SLC24A5: variants seen among roughly 807,000 people sequenced by gnomAD.
The protein encoded by SLC24A5 is solute carrier family 24 member 5.
A neutral mutation model predicts 51.6 loss-of-function variants in SLC24A5; 46 were observed. The observed-to-expected ratio is 0.89, with a 90% CI of 0.70 to 1.14. SLC24A5 has a LOEUF of 1.14. Ranked by LOEUF, SLC24A5 falls within the 50% of genes most tolerant of loss-of-function variation. The pLI, the probability that SLC24A5 is intolerant of heterozygous loss-of-function variation, is 0.00. For missense variants in SLC24A5, 581 were observed against 604.1 expected (o/e 0.96, Z 0.40); for synonymous variants, 230 against 214.9 (o/e 1.07, Z -0.62).
Position 48,126,254 on chromosome 15 carries a change from C to T in SLC24A5, c.301+4218C>T, listed in dbSNP as rs139737156. On this transcript the variant is annotated intron_variant, in intron 2 of 8. Coordinates refer to ENST00000341459, the MANE Select transcript of SLC24A5 (RefSeq NM_205850.3). ...AAAGCTGGAAAAGCACCTATCTCTA[C>T]GAGGCAACCTCAGACACTTTACCAC... Among the ~76,000 whole-genome samples the T allele has an allele frequency of 3.6e-3, 547 of 152,260 alleles. 1 individual carries two copies. The highest frequency in any genetic ancestry group is 0.013 in the African/African-American group (528 of 41,544).
At position 48,137,668 on chromosome 15, in the gene SLC24A5, G is replaced by A. The variant is rs2140746571; in HGVS notation, c.871+705G>A. Reference sequence around the variant, plus strand: ...ACAGATGTGAGACTATATGAAGGAAGCATCACCAAGACTATATGGGGCCAG... The same window carrying A: ...ACAGATGTGAGACTATATGAAGGAAACATCACCAAGACTATATGGGGCCAG... On this transcript the variant is annotated intron_variant, in intron 6 of 8. Transcript: ENST00000341459. 3 of 152,072 alleles carry A rather than the reference G, an allele frequency of 2.0e-5. No homozygotes were observed. The East Asian group carries it at 5.8e-4, about 29-fold the overall frequency. 9.4% of individuals were successfully genotyped at this position (152,072 alleles called of 1,614,324 possible). A position where few individuals can be genotyped will look rare whatever the true frequency, so the allele number is the denominator to read the frequency against.
rs758484780 is a variant in SLC24A5 at position 48,142,266 on chromosome 15, TATC to T, written c.1421_1423del (p.Ser474del). ...AGAAAGTTGGGAATAGTCTGCCTATTATCATACTTGGGGCTTGCTACATTATCA... is the reference window on the plus strand; with the variant it reads ...AGAAAGTTGGGAATAGTCTGCCTATTATACTTGGGGCTTGCTACATTATCA... On this transcript the variant is annotated inframe_deletion, in exon 9 of 9. Coordinates refer to ENST00000341459, the MANE Select transcript of SLC24A5 (RefSeq NM_205850.3). 4.3e-6 allele frequency: 7 copies of T among 1,613,800 alleles called. No homozygotes were observed. The highest frequency in any genetic ancestry group is 1.3e-5 in the African/African-American group (1 of 75,036).
chr15:48,123,953 T>G (rs933665933), intron 2 of SLC24A5: 2 of 152,040 alleles, frequency 1.3e-5, no homozygotes, highest in African/African-American at 4.8e-5. Context: ...TCCTTTTGTG[T>G]TTTTTTGCCC....
At chr15:48,138,912 T>C in intron 6 of SLC24A5, 57 bp from the exon 7 acceptor site, 1 of 1,318,910 alleles carries the variant, frequency 7.6e-7, no homozygotes, top group Non-Finnish European at 1.1e-6. Context: ...AAATAGGCAT[T>C]TCTAACTTAA....
At chr15:48,132,525 A>T (rs1277418089) in intron 2 of SLC24A5, among the ~76,000 whole-genome samples, 1 of 152,186 alleles carries the variant, frequency 6.6e-6, no homozygotes, top group African/African-American at 2.4e-5. Context: ...AATACAACAA[A>T]TAAATGAACC....
chr15:48,135,117 G>C (rs1408024899), intron 5 of SLC24A5, 133 bp downstream of exon 5: 4 of 618,322 alleles, frequency 6.5e-6, no homozygotes, highest in Non-Finnish European at 1.1e-5. Flanking sequence ...ACAGGTCTGT[G>C]AGTTAACCTC....
intron 1 of SLC24A5, 58 bp downstream of exon 1, chr15:48,121,223 C>T: frequency 6.5e-7 from 1 of 1,529,816 alleles, no homozygotes; most frequent in South Asian, 1.3e-5. Context: ...GCTGCTACCA[C>T]ATACAGATGA....
At chr15:48,140,175 T>C (rs999393908) in intron 7 of SLC24A5, 1 of 151,878 alleles carries the variant, frequency 6.6e-6, no homozygotes. Context: ...CATTTGATAC[T>C]AGAAAAATAA....
At chr15:48,130,890 TG>T (rs1258536004) in intron 2 of SLC24A5, among the ~76,000 whole-genome samples, 2 of 152,154 alleles carry the variant, frequency 1.3e-5, no homozygotes, top group Admixed American at 1.3e-4. Context: ...ATTCTTATAT[TG>T]GGTTTCTGTG....
chr15:48,141,485 G>A (rs1301982415), intron 8 of SLC24A5: 4 of 237,398 alleles, frequency 1.7e-5, no homozygotes, highest in Non-Finnish European at 3.3e-5. Context: ...GCTGAGGCAG[G>A]AGAATTGTTT....
chr15:48,137,638 T>C (rs1453504057), intron 6 of SLC24A5: 1 of 151,946 alleles, frequency 6.6e-6, no homozygotes, highest in African/African-American at 2.4e-5. Context: ...TGGGAATAAA[T>C]GAGAACAGAT....
At chr15:48,134,183 G>T (rs992542195) in intron 2 of SLC24A5, 75 bp from the exon 3 acceptor site, 9 of 1,190,606 alleles carry the variant, frequency 7.6e-6, no homozygotes, top group African/African-American at 1.6e-5. Flanking sequence ...GTAGCTTTGA[G>T]TATCTATTGT....
rs1377150563 is a variant in SLC24A5, at chr15:48,127,520, C to T, written c.301+5484C>T. 2.0e-5 allele frequency among the ~76,000 whole-genome samples: 3 copies of T among 152,192 alleles called. No homozygotes were observed. The East Asian group carries it at 5.8e-4, about 29-fold the overall frequency. ...ACTTTAAAGTATACCTTAAATATCT[C>T]TGGAATATTCTGTTTAGGCCAGGAG... On this transcript the variant is annotated intron_variant, in intron 2 of 8. Coordinates refer to ENST00000341459, the MANE Select transcript of SLC24A5 (RefSeq NM_205850.3).
intron 2 of SLC24A5, among the ~76,000 whole-genome samples, chr15:48,126,082 C>T (rs1277141364): frequency 6.6e-6 from 1 of 152,196 alleles, no homozygotes; most frequent in African/African-American, 2.4e-5. Context: ...AACCAGTGCT[C>T]TTTCTCTTTT....
At chr15:48,141,899 T>G in intron 8 of SLC24A5, 130 bp from the exon 9 acceptor site, 1 of 621,922 alleles carries the variant, frequency 1.6e-6, no homozygotes, top group African/African-American at 1.8e-5. Flanking sequence ...CAGTAAGACT[T>G]TTGCTCTAAC....
At chr15:48,134,405 C>A in intron 3 of SLC24A5, 30 bp from the exon 4 acceptor site, 1 of 1,605,958 alleles carries the variant, frequency 6.2e-7, no homozygotes, top group South Asian at 1.1e-5. Context: ...CAAGTTAACA[C>A]TAACTTAGCT....
chr15:48,139,268 A>G, intron 7 of SLC24A5, 93 bp downstream of exon 7: 1 of 1,039,756 alleles, frequency 9.6e-7, no homozygotes, highest in Non-Finnish European at 1.4e-6. Context: ...TACACAGCAA[A>G]TTTCTTTTCA....
chr15:48,125,432 C>T (rs1027167570), intron 2 of SLC24A5, among the ~76,000 whole-genome samples: 3 of 152,148 alleles, frequency 2.0e-5, no homozygotes, highest in African/African-American at 7.2e-5. Flanking sequence ...AGAGAAAGTC[C>T]TGATCTCTCT....
chr15:48,126,202 C>A (rs1272709493), intron 2 of SLC24A5, among the ~76,000 whole-genome samples: 1 of 152,174 alleles, frequency 6.6e-6, no homozygotes, highest in East Asian at 1.9e-4. Flanking sequence ...AAGTCACACA[C>A]CCTCTCCTCT....
Sources: allele counts gnomAD v4.1 joint callset (sites outside exome capture counted in the v4.1 genomes callset), GRCh38; gene constraint gnomAD v4.1.1; transcripts MANE v1.5; gene names NCBI Gene and HGNC (gene_info 2026-07-23, HGNC 2026-07-21).